The following OTOG variants were observed in gnomAD, a reference collection of about 807,000 sequenced individuals.
The protein encoded by OTOG is otogelin.
A neutral mutation model predicts 313.8 loss-of-function variants in OTOG; 296 were observed. The observed-to-expected ratio is 0.94, with a 90% CI of 0.86 to 1.04. The LOEUF is 1.04. Ranked by LOEUF, OTOG falls within the 50% of genes least tolerant of loss-of-function variation. The pLI, the probability that OTOG is intolerant of heterozygous loss-of-function variation, is 0.00. For missense variants in OTOG, 3,948 were observed against 3,840.1 expected, an observed-to-expected ratio of 1.03 and a Z score of -0.74; for synonymous variants, 1,533 against 1,554.9, an observed-to-expected ratio of 0.99 and a Z score of 0.33.
chr11:17,632,302 G>A (rs878894695), intron 42 of OTOG, 76 bp downstream of exon 42: 9 of 1,448,322 alleles, frequency 6.2e-6, no homozygotes, highest in East Asian at 2.6e-5. Context: ...AAAGGCTCCC[G>A]GCCCCAAGTT....
At chr11:17,555,926 G>A in intron 7 of OTOG, 29 bp downstream of exon 7, 5 of 1,503,054 alleles carry the variant, frequency 3.3e-6, no homozygotes, top group Non-Finnish European at 4.5e-6. Flanking sequence ...ACATCGAGCT[G>A]TCCTATCCCT....
Position 17,569,163 on chromosome 11 carries a change from A to T in OTOG, c.1652A>T (p.Asp551Val). ...ACCTTTCTATCTCTCCAGAACCAAG[A>T]TGGAGCCTGTGTCCAGTCAGTGTCA... ...LQNAPCGLNQ[D>V]GACVQSVSVI... The change falls in exon 16 of 56, where the codon GAT (aspartate) becomes GTT (valine). Residue 551 changes from aspartate (D) to valine (V), a missense_variant. Physicochemically the swap from Asp to Val is radical, Grantham distance 152 (BLOSUM62 -3). Coordinates refer to ENST00000399397, the MANE Select transcript of OTOG (RefSeq NM_001292063.2). 1.3e-6 allele frequency: 2 copies of T among 1,550,616 alleles called. No homozygotes were observed. Among genetic ancestry groups the T allele is most frequent in the South Asian group, 1.2e-5 (1 of 84,054 alleles).
chr11:17,575,491 A>T (rs912848262), intron 20 of OTOG, among the ~76,000 whole-genome samples: 1 of 152,162 alleles, frequency 6.6e-6, no homozygotes, highest in African/African-American at 2.4e-5. Context: ...AGGGGGCTCC[A>T]GGAAGAGGGG....
At chr11:17,566,321 A>G (rs1302130004) in intron 15 of OTOG, among the ~76,000 whole-genome samples, 1 of 152,224 alleles carries the variant, frequency 6.6e-6, no homozygotes, top group African/African-American at 2.4e-5. Context: ...TTAGGGAATA[A>G]TGGTAAGAAA....
chr11:17,634,179 G>A lies in OTOG; in HGVS notation c.7378G>A (p.Asp2460Asn). The A allele has an allele frequency of 1.3e-6, 2 of 1,550,334 alleles. No individual in the cohort carries two copies. Among genetic ancestry groups the A allele is most frequent in the South Asian group, 1.2e-5 (1 of 84,038 alleles). The part of the protein sequence containing the change: ...CQAPDTIVPV[D>N]LGCPSPRPES... The stretch of plus-strand genomic sequence containing the variant: ...AGCCCCAGACACCATTGTCCCGGTG[G>A]ATCTGGGCTGCCCCAGTCCCCGCCC... Residue 2460 changes from aspartate (D) to asparagine (N), a missense_variant, in exon 44 of 56, where the codon GAT becomes AAT. Transcript: ENST00000399397.
chr11:17,596,395 C>T (rs1853109507), intron 29 of OTOG, among the ~76,000 whole-genome samples: 1 of 152,226 alleles, frequency 6.6e-6, no homozygotes, highest in Admixed American at 6.5e-5. Context: ...TTGATCTGGC[C>T]CTTCCTCCTT....
rs557079751 is a variant in OTOG, at chr11:17,610,780, C to T, written c.5480C>T (p.Ser1827Phe). 129 of 1,550,352 alleles carry T rather than the reference C, an allele frequency of 8.3e-5. 1 individual carries two copies. The Middle Eastern group carries it at 1.7e-3, about 20-fold the overall frequency. The change falls in exon 36 of 56, where the codon TCT (serine) becomes TTT (phenylalanine). Residue 1827 changes from serine to phenylalanine, a missense_variant. Coordinates refer to ENST00000399397, the MANE Select transcript of OTOG (RefSeq NM_001292063.2). ...APVATPGPKA[S>F]VITTPLQPQA... ...GTGGCCACACCCGGCCCCAAAGCCT[C>T]TGTCATCACCACTCCACTCCAGCCA...
At chr11:17,577,201 G>C (rs886144077) in intron 22 of OTOG, among the ~76,000 whole-genome samples, 1 of 152,228 alleles carries the variant, frequency 6.6e-6, no homozygotes, top group Admixed American at 6.5e-5. Flanking sequence ...TGGGTGTCTG[G>C]GCAGTTTCCT....
At chr11:17,632,553 C>A (rs1854156902) in intron 42 of OTOG, among the ~76,000 whole-genome samples, 1 of 152,142 alleles carries the variant, frequency 6.6e-6, no homozygotes, top group African/African-American at 2.4e-5. Flanking sequence ...ATCGCCCCCG[C>A]CCAGGGTGGT....
intron 23 of OTOG, among the ~76,000 whole-genome samples, chr11:17,582,450 T>C (rs1852693300): frequency 6.6e-6 from 1 of 152,240 alleles, no homozygotes; most frequent in African/African-American, 2.4e-5. Context: ...TTTGGGACTA[T>C]TTTGACTAAG....
chr11:17,624,256 G>A (rs534165597), intron 39 of OTOG, among the ~76,000 whole-genome samples: 16 of 152,244 alleles, frequency 1.1e-4, no homozygotes, highest in African/African-American at 3.9e-4. Context: ...GTATTGCCTA[G>A]GTTATCTTCC....
chr11:17,635,797 G>A, intron 47 of OTOG, 86 bp downstream of exon 47: 1 of 1,156,590 alleles, frequency 8.6e-7, no homozygotes, highest in Middle Eastern at 2.1e-4. Flanking sequence ...GGGTTGACAG[G>A]GAGCAACAGA....
chr11:17,573,478 A>G (rs1440855437), intron 19 of OTOG, among the ~76,000 whole-genome samples, 188 bp downstream of exon 19: 2 of 152,192 alleles, frequency 1.3e-5, no homozygotes, highest in Admixed American at 6.5e-5. Context: ...TCACTCAGGC[A>G]TAACACCTGG....
intron 39 of OTOG, among the ~76,000 whole-genome samples, chr11:17,622,012 G>T (rs1853877175): frequency 3.3e-5 from 5 of 151,986 alleles, no homozygotes; most frequent in Admixed American, 3.3e-4. Context: ...TCCTCTCTGG[G>T]CTTCAGGTAT....
chr11:17,572,213 G>A lies in OTOG; in HGVS notation c.2080+9G>A, dbSNP rs1055177582. 1.9e-6 allele frequency: 3 copies of A among 1,550,272 alleles called. No homozygotes were observed. The highest frequency in any genetic ancestry group is 2.7e-5 in the African/African-American group (2 of 73,040). On this transcript the variant is annotated intron_variant, in intron 18 of 55. Coordinates refer to ENST00000399397, the MANE Select transcript of OTOG (RefSeq NM_001292063.2). ...TGTGCACCTGCAAGCCGGTGAGTTG[G>A]TGGGGGAAGAGGAGAGGCATGGTTG...
At chr11:17,594,267 G>C (rs1168617518) in intron 28 of OTOG, 101 bp downstream of exon 28, 2 of 1,431,988 alleles carry the variant, frequency 1.4e-6, no homozygotes, top group African/African-American at 2.8e-5. Flanking sequence ...CTGGTGTGAG[G>C]TTTCTCCTGC....
chr11:17,634,351 A>C, intron 44 of OTOG, 70 bp downstream of exon 44: 6 of 1,453,586 alleles, frequency 4.1e-6, no homozygotes, highest in Non-Finnish European at 5.6e-6. Context: ...CCTGCACACC[A>C]ACCCTGATGG....
rs1315883044 is a variant in OTOG at position 17,552,017 on chromosome 11, C to T, written c.234C>T (p.Asp78=). 1 of 1,550,530 alleles carries T rather than the reference C, an allele frequency of 6.4e-7. No homozygotes were observed. The highest frequency in any genetic ancestry group is 1.2e-5 in the South Asian group (1 of 84,064). The change falls in exon 4 of 56, where the codon GAC becomes GAT. Residue 78 remains aspartate (D), a synonymous_variant. Coordinates refer to ENST00000399397, the MANE Select transcript of OTOG (RefSeq NM_001292063.2). ...TTCACAAGCAGGCTGAAGCCCCAGACTCCGTGGCCATGTCTTCCTGGGAAA... is the reference window on the plus strand; with the variant it reads ...TTCACAAGCAGGCTGAAGCCCCAGATTCCGTGGCCATGTCTTCCTGGGAAA... The part of the protein sequence containing the change: ...VVGGQQAEAP[D]SVAMSSWERR...
intron 53 of OTOG, 113 bp downstream of exon 53, chr11:17,642,359 T>G (rs1411220749): frequency 7.3e-7 from 1 of 1,363,182 alleles, no homozygotes. Flanking sequence ...CCCTGGAGCC[T>G]GTGCCTGCAC....
Sources: gnomAD v4.1 joint callset for allele counts (sites outside exome capture counted in the v4.1 genomes callset) on GRCh38, gnomAD v4.1.1 for gene constraint, MANE v1.5 for transcripts, NCBI Gene and HGNC (gene_info 2026-07-23, HGNC 2026-07-21) for gene names.